TATDN2: variants seen among roughly 807,000 people sequenced by gnomAD.
The protein encoded by TATDN2 is TatD DNase domain containing 2.
A neutral mutation model predicts 60.3 loss-of-function variants in TATDN2; 44 were observed. The ratio of observed to expected loss-of-function variants is 0.73; its 90% CI spans 0.57 to 0.94. The LOEUF (loss-of-function observed/expected upper bound fraction) is 0.94. Among genes scored for constraint, TATDN2 ranks in the 40% least tolerant of loss-of-function variants. The pLI, the probability that TATDN2 is intolerant of heterozygous loss-of-function variation, is 0.00. For synonymous variants in TATDN2, 399 were observed against 355.8 expected, an observed-to-expected ratio of 1.12 and a Z score of -1.37; for missense variants, 997 against 948.0, an observed-to-expected ratio of 1.05 and a Z score of -0.68.
rs61730103 is a variant in TATDN2 at position 10,278,895 on chromosome 3, G to A, written c.2156G>A (p.Ser719Asn). 7.5e-3 allele frequency: 12,176 copies of A among 1,613,880 alleles called. 61 individuals are homozygous for A. The highest frequency in any genetic ancestry group is 9.6e-3 in the Non-Finnish European group (11,284 of 1,179,920). Reference sequence around the variant, plus strand: ...CTTGATGTCTTCCAGGTTCCCAAAAGCCTTTGCCAGTATGCCCACCCGGGC... The same window carrying A: ...CTTGATGTCTTCCAGGTTCCCAAAAACCTTTGCCAGTATGCCCACCCGGGC... ...PYFLPRQVPK[S>N]LCQYAHPGLA... Residue 719 changes from serine to asparagine, a missense_variant, in exon 7 of 8, where the codon AGC becomes AAC. Transcript: ENST00000448281. The surrounding 1 kb of genome is among the most constrained non-coding windows in gnomAD (Gnocchi z 4.7).
chr3:10,270,131 C>A lies in TATDN2; in HGVS notation c.949C>A (p.His317Asn). The A allele has an allele frequency of 6.2e-7, 1 of 1,607,970 alleles. No individual in the cohort carries two copies. ...DSDSHLEIQK[H>N]KDREVVMEHP... ...CTGTTGTATGCCTTCTTTTCTGCAG[C>A]ATAAAGATAGGGAGGTGGTGATGGA... is the stretch of plus-strand genomic sequence containing the variant. Residue 317 changes from histidine (H) to asparagine (N), a missense_variant and splice_region_variant, in exon 4 of 8, where the codon CAT becomes AAT. By Grantham distance (68) the His-to-Asn change is moderately conservative. Coordinates refer to ENST00000448281, the MANE Select transcript of TATDN2 (RefSeq NM_014760.4).
At chr3:10,267,239 G>A (rs779251881) in intron 3 of TATDN2, among the ~76,000 whole-genome samples, 4 of 150,706 alleles carry the variant, frequency 2.7e-5, no homozygotes, top group East Asian at 3.9e-4. Context: ...CTTGAATATC[G>A]GCAGTCTCCT....
chr3:10,257,932 C>T (rs1284565072), intron 2 of TATDN2, among the ~76,000 whole-genome samples: 1 of 124,728 alleles, frequency 8.0e-6, no homozygotes, highest in African/African-American at 3.0e-5. Flanking sequence ...ACGATCTTGG[C>T]TCACTGCAAG....
intron 4 of TATDN2, among the ~76,000 whole-genome samples, chr3:10,274,989 A>AT (rs34892858): frequency 0.24 from 32,455 of 136,264 alleles, 4,210 homozygotes; most frequent in African/African-American, 0.28. Flanking sequence ...TAATGAATTA[A>AT]TTTTTTTTTT....
At chr3:10,279,168 T>G in intron 7 of TATDN2, 53 bp from the exon 8 acceptor site, 2 of 1,179,362 alleles carry the variant, frequency 1.7e-6, no homozygotes, top group Non-Finnish European at 2.3e-6. Flanking sequence ...AAGCCTGATT[T>G]GTTTTGAGTG....
At chr3:10,250,063 A>G (rs1698198068) in intron 2 of TATDN2, among the ~76,000 whole-genome samples, 2 of 152,010 alleles carry the variant, frequency 1.3e-5, no homozygotes, top group East Asian at 1.9e-4. Flanking sequence ...GTGCCCTTGT[A>G]CTTTGAACCA....
chr3:10,260,417 A>G lies in TATDN2; in HGVS notation c.695A>G (p.Lys232Arg). Residue 232 changes from lysine to arginine, a missense_variant, in exon 3 of 8, where the codon AAG becomes AGG. Lys to Arg is a conservative substitution (Grantham distance 26). Transcript: ENST00000448281. ...EGPARSEGPA[K>R]TAEGAARSVT... Reference sequence around the variant, plus strand: ...CCAGCCAGGAGTGAAGGACCAGCCAAGACTGCAGAAGGAGCAGCCAGGAGT... The same window carrying G: ...CCAGCCAGGAGTGAAGGACCAGCCAGGACTGCAGAAGGAGCAGCCAGGAGT... 1 of 1,614,180 alleles carries G rather than the reference A, an allele frequency of 6.2e-7. No individual in the cohort carries two copies.
At position 10,279,227 on chromosome 3, in the gene TATDN2, C is replaced by A; in HGVS notation, c.*45C>A. ...TTTCTCTTCCACCCTCCAGGGCGACCAGCAGCCTGACAGAACACAGGCTGG... is the reference window on the plus strand; with the variant it reads ...TTTCTCTTCCACCCTCCAGGGCGACAAGCAGCCTGACAGAACACAGGCTGG... On this transcript the variant is annotated 3_prime_UTR_variant, in exon 8 of 8. Transcript: ENST00000448281. 1 of 655,638 alleles carries A rather than the reference C, an allele frequency of 1.5e-6. No homozygotes were observed. Among genetic ancestry groups the A allele is most frequent in the Non-Finnish European group, 2.5e-6 (1 of 401,770 alleles). 40.6% of individuals were successfully genotyped at this position (655,638 alleles called of 1,614,324 possible).
chr3:10,273,356 A>G (rs779112130), intron 4 of TATDN2, among the ~76,000 whole-genome samples: 2 of 152,138 alleles, frequency 1.3e-5, no homozygotes, highest in Non-Finnish European at 1.5e-5. Flanking sequence ...GTGACTGGCA[A>G]CTGCACCTAG....
chr3:10,252,808 G>C (rs1698251567), intron 2 of TATDN2, among the ~76,000 whole-genome samples: 1 of 149,326 alleles, frequency 6.7e-6, no homozygotes, highest in African/African-American at 2.5e-5. Context: ...TCCTGCCTCA[G>C]CCTCCCAAGT....
At chr3:10,262,944 A>G (rs1413496728) in intron 3 of TATDN2, among the ~76,000 whole-genome samples, 3 of 151,958 alleles carry the variant, frequency 2.0e-5, no homozygotes, top group African/African-American at 7.3e-5. Context: ...TCTGTCACCC[A>G]GGTTGGAGTC....
intron 4 of TATDN2, among the ~76,000 whole-genome samples, chr3:10,274,582 A>C (rs1186986813): frequency 6.6e-6 from 1 of 152,178 alleles, no homozygotes; most frequent in East Asian, 1.9e-4. Flanking sequence ...GAATCTCTTG[A>C]AACCTCTGCT....
chr3:10,278,599 C>T lies in TATDN2; in HGVS notation c.2145+137C>T. 8.1e-7 allele frequency: 1 copy of T among 1,229,970 alleles called. No homozygotes were observed. Among genetic ancestry groups the T allele is most frequent in the Non-Finnish European group, 1.2e-6 (1 of 846,498 alleles). 76.2% of individuals were successfully genotyped at this position (1,229,970 alleles called of 1,614,324 possible). On this transcript the variant is annotated intron_variant, in intron 6 of 7. Transcript: ENST00000448281. The surrounding 1 kb of genome is among the most constrained non-coding windows in gnomAD (Gnocchi z 4.7). ...CCTGGGCTGTGTAGATGCCTCCTTG[C>T]TGTTACTCTGCAGAACCAAAAGTCT... is the stretch of plus-strand genomic sequence containing the variant.
At chr3:10,262,873 C>T (rs1698426796) in intron 3 of TATDN2, among the ~76,000 whole-genome samples, 1 of 151,934 alleles carries the variant, frequency 6.6e-6, no homozygotes, top group African/African-American at 2.4e-5. Flanking sequence ...ATGCTGGTTC[C>T]TGAACCTTGG....
chr3:10,269,698 C>T (rs536267655), intron 3 of TATDN2, among the ~76,000 whole-genome samples: 1 of 151,796 alleles, frequency 6.6e-6, no homozygotes, highest in Non-Finnish European at 1.5e-5. Context: ...AAGACCCTGT[C>T]TGAAAAAAAA....
At chr3:10,265,666 A>G (rs1698466476) in intron 3 of TATDN2, among the ~76,000 whole-genome samples, 2 of 134,800 alleles carry the variant, frequency 1.5e-5, no homozygotes, top group Non-Finnish European at 3.1e-5. Flanking sequence ...TGGGCAACAG[A>G]GCAAGACTCC....
rs1014735620 is a variant in TATDN2 at position 10,248,598 on chromosome 3, G to C, written c.-476G>C. 6.6e-6 allele frequency: 1 copy of C among 151,960 alleles called. No individual in the cohort carries two copies. The highest frequency in any genetic ancestry group is 1.5e-5 in the Non-Finnish European group (1 of 68,086). The allele number at this position is 151,960 out of a possible 1,614,324, so 9.4% of individuals were successfully genotyped here. The stretch of plus-strand genomic sequence containing the variant: ...AGGCGGCGGGCTGCCCGGCGGGACA[G>C]CTGCGGCAGCCGGCGGGGGGCGTCC... On this transcript the variant is annotated 5_prime_UTR_variant, in exon 1 of 8. Coordinates refer to ENST00000448281, the MANE Select transcript of TATDN2 (RefSeq NM_014760.4).
At chr3:10,257,294 T>TTATTTATATATATATATATATATATA (rs1698321791) in intron 2 of TATDN2, among the ~76,000 whole-genome samples, 1 of 133,546 alleles carries the variant, frequency 7.5e-6, no homozygotes, top group African/African-American at 2.8e-5. Context: ...CAAAAAAAAA[T>TTATTTATATATATATATATATATATA]TATATATATA....
chr3:10,249,062 G>T lies in TATDN2; in HGVS notation c.-12G>T. 1 of 982,542 alleles carries T rather than the reference G, an allele frequency of 1.0e-6. No individual in the cohort carries two copies. Among genetic ancestry groups the T allele is most frequent in the Non-Finnish European group, 1.4e-6 (1 of 715,230 alleles). The allele number at this position is 982,542 out of a possible 1,614,324, so 60.9% of individuals were successfully genotyped here. On this transcript the variant is annotated 5_prime_UTR_variant, in exon 1 of 8. Transcript: ENST00000448281. ...CTGTGATGGGCAGTGGAAAGAAGAG[G>T]GAAAGGTCAGTGAGGCTAGCCCCTG...
Sources: gnomAD v4.1 joint callset for allele counts (sites outside exome capture counted in the v4.1 genomes callset) on GRCh38, gnomAD v4.1.1 for gene constraint, Gnocchi (gnomAD v3.1) non-coding constraint, MANE v1.5 for transcripts, NCBI Gene and HGNC (gene_info 2026-07-23, HGNC 2026-07-21) for gene names.